The following EXOC4 variants were observed in gnomAD, a reference collection of about 807,000 sequenced individuals.
EXOC4 encodes exocyst complex component 4.
In EXOC4, 71 loss-of-function variants were observed where a neutral mutation model predicts 107.2. The observed-to-expected ratio is 0.66, with a 90% CI of 0.55 to 0.81. EXOC4 has a LOEUF of 0.81. Among genes scored for constraint, EXOC4 ranks in the 30% least tolerant of loss-of-function variants. EXOC4 has a pLI of 0.00. For synonymous variants in EXOC4, 456 were observed against 441.2 expected (o/e 1.03, Z -0.42); for missense variants, 1,108 against 1,189.6 (o/e 0.93, Z 1.01).
intron 14 of EXOC4, among the ~76,000 whole-genome samples, chr7:133,961,235 C>G (rs1439311860): frequency 6.7e-6 from 1 of 150,356 alleles, no homozygotes; most frequent in African/African-American, 2.5e-5. Context: ...GGATTCACCC[C>G]TAGAGCCTCT....
Position 133,411,799 on chromosome 7 carries a change from G to C in EXOC4, c.1182+36797G>C, listed in dbSNP as rs372014115. On this transcript the variant is annotated intron_variant, in intron 7 of 17. Coordinates refer to ENST00000253861, the MANE Select transcript of EXOC4 (RefSeq NM_021807.4). ...TGCAAATTATGATCAGATTATGGGA[G>C]ATTTATCTTCAAGGTCACAAAAGTA... Among the ~76,000 whole-genome samples, 4 of 152,190 alleles carry C rather than the reference G, an allele frequency of 2.6e-5. No homozygotes were observed. The East Asian group carries it at 7.7e-4, about 29-fold the overall frequency.
At chr7:133,734,828 A>G (rs1305144691) in intron 10 of EXOC4, among the ~76,000 whole-genome samples, 1 of 152,052 alleles carries the variant, frequency 6.6e-6, no homozygotes, top group East Asian at 1.9e-4. Flanking sequence ...CGTTTTGGAT[A>G]AGAGATACTC....
chr7:133,591,917 T>C (rs1264994572), intron 9 of EXOC4, among the ~76,000 whole-genome samples: 1 of 152,202 alleles, frequency 6.6e-6, no homozygotes, highest in Non-Finnish European at 1.5e-5. Flanking sequence ...AGAGTGCCCT[T>C]TGAATCTGCT....
At chr7:133,378,792 A>T (rs992582639) in intron 7 of EXOC4, among the ~76,000 whole-genome samples, 1 of 152,098 alleles carries the variant, frequency 6.6e-6, no homozygotes, top group Non-Finnish European at 1.5e-5. Flanking sequence ...GAGGAAAAAG[A>T]ACAAGGAAGA....
At position 133,980,895 on chromosome 7, in the gene EXOC4, A is replaced by G. The variant is rs17167372; in HGVS notation, c.2207-16597A>G. 4.7e-3 allele frequency among the ~76,000 whole-genome samples: 719 copies of G among 152,354 alleles called. 5 individuals carry two copies. Among genetic ancestry groups the G allele is most frequent in the South Asian group, 0.019 (92 of 4,828 alleles). ...TATAAAGACAGAAATATAGTCATATATTATTAACCTTCACAAAGCATTAGT... is the reference window on the plus strand; with the variant it reads ...TATAAAGACAGAAATATAGTCATATGTTATTAACCTTCACAAAGCATTAGT... On this transcript the variant is annotated intron_variant, in intron 14 of 17. Coordinates refer to ENST00000253861, the MANE Select transcript of EXOC4 (RefSeq NM_021807.4).
chr7:134,015,442 C>T (rs753466838), intron 17 of EXOC4, among the ~76,000 whole-genome samples: 2 of 152,044 alleles, frequency 1.3e-5, no homozygotes, highest in African/African-American at 4.8e-5. Context: ...TTGTCCTGTA[C>T]GTAACTGAAG....
intron 7 of EXOC4, among the ~76,000 whole-genome samples, chr7:133,376,871 TCATCTTGATC>T (rs1796502377): frequency 6.6e-6 from 1 of 152,196 alleles, no homozygotes; most frequent in Admixed American, 6.6e-5. Context: ...CTCTATTTTA[TCATCTTGATC>T]CACCTGTAAA....
At chr7:133,575,875 G>T (rs933002983) in intron 9 of EXOC4, among the ~76,000 whole-genome samples, 34 of 152,014 alleles carry the variant, frequency 2.2e-4, no homozygotes, top group Admixed American at 6.6e-4. Flanking sequence ...CCTCAGTTCT[G>T]ATTTCTTTTG....
chr7:133,273,541 C>T (rs1009474557), intron 1 of EXOC4, among the ~76,000 whole-genome samples: 3 of 152,126 alleles, frequency 2.0e-5, no homozygotes, highest in Admixed American at 6.5e-5. Flanking sequence ...TCCCCCTACC[C>T]GTATTCATGA....
intron 14 of EXOC4, among the ~76,000 whole-genome samples, chr7:133,944,058 C>T (rs1800494115): frequency 6.6e-6 from 1 of 152,100 alleles, no homozygotes; most frequent in East Asian, 1.9e-4. Flanking sequence ...CCTTATCTCT[C>T]TCATCCAGTT....
chr7:133,328,714 A>C (rs1795308113), intron 5 of EXOC4, among the ~76,000 whole-genome samples: 1 of 152,200 alleles, frequency 6.6e-6, no homozygotes, highest in Non-Finnish European at 1.5e-5. Context: ...TCCTAGGTTG[A>C]AAATTCTTTT....
At chr7:133,835,938 G>A (rs1276408537) in intron 11 of EXOC4, among the ~76,000 whole-genome samples, 4 of 152,122 alleles carry the variant, frequency 2.6e-5, no homozygotes, top group Admixed American at 2.6e-4. Context: ...CCCAATTATA[G>A]ACCTTGTGCC....
At chr7:133,436,927 T>G (rs76562711) in intron 7 of EXOC4, among the ~76,000 whole-genome samples, 1 of 152,260 alleles carries the variant, frequency 6.6e-6, no homozygotes, top group African/African-American at 2.4e-5. Flanking sequence ...TAAATTTACC[T>G]GTTTGCCCTG....
chr7:133,477,724 G>C (rs1426946094), intron 8 of EXOC4, among the ~76,000 whole-genome samples: 1 of 152,188 alleles, frequency 6.6e-6, no homozygotes, highest in African/African-American at 2.4e-5. Flanking sequence ...ATAAGACACT[G>C]TCAAACTGTC....
At chr7:133,522,670 A>C (rs1375452353) in intron 9 of EXOC4, among the ~76,000 whole-genome samples, 1 of 152,320 alleles carries the variant, frequency 6.6e-6, no homozygotes, top group South Asian at 2.1e-4. Context: ...CCAGGATGGC[A>C]TACGGCACAG....
At chr7:133,906,776 C>G (rs929304595) in intron 12 of EXOC4, among the ~76,000 whole-genome samples, 5 of 152,232 alleles carry the variant, frequency 3.3e-5, no homozygotes, top group African/African-American at 1.2e-4. Flanking sequence ...TCCTGATCCA[C>G]CAAGGGGCCT....
chr7:134,076,705 GTA>G, the EXOC4 span, among the ~76,000 whole-genome samples: 2,323 of 147,074 alleles, frequency 0.016, 56 homozygotes, highest in African/African-American at 0.049. Flanking sequence ...ATCTATAATT[GTA>G]TATATATATA....
intron 11 of EXOC4, among the ~76,000 whole-genome samples, chr7:133,869,307 G>T (rs1466233012): frequency 6.6e-6 from 1 of 151,962 alleles, no homozygotes; most frequent in East Asian, 1.9e-4. Context: ...AATAGAAAGA[G>T]CAGGCCTTGG....
intron 7 of EXOC4, among the ~76,000 whole-genome samples, chr7:133,386,696 G>A (rs1796735005): frequency 6.6e-6 from 1 of 152,162 alleles, no homozygotes. Context: ...AATATTTTAT[G>A]CCCTTGACTT....
Sources: gnomAD v4.1 joint callset for allele counts (sites outside exome capture counted in the v4.1 genomes callset) on GRCh38, gnomAD v4.1.1 for gene constraint, MANE v1.5 for transcripts, NCBI Gene and HGNC (gene_info 2026-07-23, HGNC 2026-07-21) for gene names.